TENM1: variants seen among roughly 807,000 people sequenced by gnomAD.
The protein encoded by TENM1 is teneurin-1.
In TENM1, 35 loss-of-function variants were observed where a neutral mutation model predicts 174.8. That is an observed-to-expected ratio of 0.20 (90% CI 0.15 to 0.27). The LOEUF (loss-of-function observed/expected upper bound fraction) is 0.27. Among genes scored for constraint, TENM1 ranks in the 10% least tolerant of loss-of-function variants. The pLI, the probability that TENM1 is intolerant of heterozygous loss-of-function variation, is 1.00. For synonymous variants in TENM1, 781 were observed against 798.7 expected (o/e 0.98, Z 0.37); for missense variants, 1,633 against 2,130.1 (o/e 0.77, Z 4.59).
chrX:125,121,135 C>T, the TENM1 span, among the ~76,000 whole-genome samples: 1 of 111,740 alleles, frequency 8.9e-6, no homozygotes, highest in South Asian at 3.7e-4. Context: ...GATAACGTGA[C>T]AAGGTTTATA....
intron 11 of TENM1, among the ~76,000 whole-genome samples, chrX:124,616,750 C>T (rs2050406835): frequency 8.9e-6 from 1 of 111,867 alleles, no homozygotes; most frequent in Non-Finnish European, 1.9e-5. Context: ...AAACATAGTG[C>T]CTGTCACATA....
intron 1 of TENM1, among the ~76,000 whole-genome samples, chrX:124,915,684 T>C (rs2147656475): frequency 8.9e-6 from 1 of 112,400 alleles, no homozygotes; most frequent in African/African-American, 3.2e-5. Flanking sequence ...AGGATGATAG[T>C]AGAAACACAC....
At chrX:125,147,283 A>G in the TENM1 span, among the ~76,000 whole-genome samples, 1 of 109,810 alleles carries the variant, frequency 9.1e-6, no homozygotes, top group Non-Finnish European at 1.9e-5. Flanking sequence ...TAAGTATAGT[A>G]TATACCATAC....
At chrX:124,872,946 C>A (rs1183755708) in intron 3 of TENM1, among the ~76,000 whole-genome samples, 3 of 111,210 alleles carry the variant, frequency 2.7e-5, no homozygotes, top group African/African-American at 9.8e-5. Context: ...ATATTATTTG[C>A]AGTATAATAG....
the TENM1 span, among the ~76,000 whole-genome samples, chrX:125,147,666 T>C: frequency 1.8e-5 from 2 of 110,894 alleles, no homozygotes; most frequent in Non-Finnish European, 3.8e-5. Flanking sequence ...CCCTCACTAG[T>C]GATCACAGGT....
the TENM1 span, among the ~76,000 whole-genome samples, chrX:125,032,709 A>G: frequency 9.0e-6 from 1 of 111,055 alleles, no homozygotes; most frequent in African/African-American, 3.3e-5. Flanking sequence ...CCTTATTTAC[A>G]GGGGCTGCCA....
At chrX:124,822,167 T>C (rs1300151239) in intron 3 of TENM1, among the ~76,000 whole-genome samples, 1 of 111,867 alleles carries the variant, frequency 8.9e-6, no homozygotes, top group Admixed American at 9.5e-5. Flanking sequence ...CTTTTTCCCC[T>C]TTCTCCTTGC....
chrX:124,896,188 T>C, exon 2 of TENM1: 1 of 1,211,467 alleles, frequency 8.3e-7, no homozygotes. Context: ...ACGCTGTGCA[T>C]GTCTGTTTGG....
rs780922840 is a variant in TENM1, at chrX:124,925,124, A to T, written c.218-28883T>A. Among the ~76,000 whole-genome samples the T allele has an allele frequency of 1.5e-4, 16 of 108,739 alleles. No individual in the cohort carries two copies. In the South Asian group the frequency reaches 3.2e-3, roughly 22 times the overall value. The allele number at this position is 108,739 out of a possible 115,157, so 94.4% of individuals were successfully genotyped here. ...TATAAATATGGAGACAGAATTTAAC[A>T]TAATGCTGCATAGGGTACCTTATAT... On this transcript the variant is annotated intron_variant, in intron 1 of 31. Coordinates refer to ENST00000422452, the Ensembl canonical transcript of TENM1.
At chrX:124,979,274 G>T in the TENM1 span, among the ~76,000 whole-genome samples, 5 of 110,768 alleles carry the variant, frequency 4.5e-5, no homozygotes, top group Non-Finnish European at 9.4e-5. Context: ...GTTGATTTCC[G>T]GGTACTTAAG....
At chrX:125,080,228 A>G in the TENM1 span, among the ~76,000 whole-genome samples, 2 of 111,818 alleles carry the variant, frequency 1.8e-5, no homozygotes, top group African/African-American at 6.5e-5. Context: ...ATTAATAAAA[A>G]ATAAAATAAG....
the TENM1 span, among the ~76,000 whole-genome samples, chrX:125,101,925 T>C: frequency 8.9e-6 from 1 of 111,950 alleles, no homozygotes; most frequent in Admixed American, 9.5e-5. Flanking sequence ...TGTTAAGCAG[T>C]GCAGGTTGTA....
the TENM1 span, among the ~76,000 whole-genome samples, chrX:124,975,896 A>G: frequency 9.0e-6 from 1 of 111,521 alleles, no homozygotes; most frequent in Non-Finnish European, 1.9e-5. Context: ...AGGAAGCTCT[A>G]GACCCAACTT....
chrX:124,619,517 T>C (rs752152460), intron 11 of TENM1, among the ~76,000 whole-genome samples: 60 of 112,250 alleles, frequency 5.3e-4, no homozygotes, highest in African/African-American at 1.8e-3. Flanking sequence ...ACCTTTTTTC[T>C]ATTGTAAACA....
chrX:124,761,287 C>A (rs930326657), intron 3 of TENM1, among the ~76,000 whole-genome samples: 7 of 110,252 alleles, frequency 6.3e-5, no homozygotes, highest in African/African-American at 2.3e-4. Flanking sequence ...AGACTTGGAG[C>A]CAACCCAAAT....
At chrX:124,386,116 CGACTAAA>C in intron 28 of TENM1, 52 bp from the exon 32 acceptor site, 1 of 1,078,664 alleles carries the variant, frequency 9.3e-7, no homozygotes. Context: ...AAAGTTGAGG[CGACTAAA>C]GAAAATACAC....
At chrX:124,850,563 T>G (rs1322516643) in intron 3 of TENM1, among the ~76,000 whole-genome samples, 1 of 111,124 alleles carries the variant, frequency 9.0e-6, no homozygotes, top group Non-Finnish European at 1.9e-5. Flanking sequence ...ATAGGCAGGT[T>G]GAGATAAACA....
chrX:125,027,939 C>G, the TENM1 span, among the ~76,000 whole-genome samples: 1 of 111,724 alleles, frequency 9.0e-6, no homozygotes, highest in Non-Finnish European at 1.9e-5. Flanking sequence ...TAGCATTGTG[C>G]AGACTGGCAA....
chrX:124,956,313 T>C (rs1299503249), intron 1 of TENM1, among the ~76,000 whole-genome samples: 1 of 112,523 alleles, frequency 8.9e-6, no homozygotes, highest in African/African-American at 3.2e-5. Context: ...ATAAACTTCA[T>C]AGTTTAACAA....
Sources: allele counts gnomAD v4.1 joint callset (sites outside exome capture counted in the v4.1 genomes callset), GRCh38; gene constraint gnomAD v4.1.1; transcripts MANE v1.5; gene names NCBI Gene and HGNC (gene_info 2026-07-23, HGNC 2026-07-21).